ACER3: variants seen among roughly 807,000 people sequenced by gnomAD.
ACER3 encodes the protein alkaline ceramidase 3, also known as alkCDase 3.
In ACER3, 16 loss-of-function variants were observed where a neutral mutation model predicts 48.9. The observed-to-expected ratio is 0.33, with a 90% CI of 0.22 to 0.50. The LOEUF is 0.50. ACER3 is among the 20% of genes least tolerant of loss of function. The pLI is 0.98. For synonymous variants in ACER3, 109 were observed against 107.8 expected (o/e 1.01, Z -0.07); for missense variants, 227 against 326.0 (o/e 0.70, Z 2.34).
chr11:76,985,573 TA>T, intron 4 of ACER3, 69 bp from the exon 5 acceptor site: 1 of 975,650 alleles, frequency 1.0e-6, no homozygotes, highest in Non-Finnish European at 1.5e-6. Flanking sequence ...AGGCAAGTGG[TA>T]AAGCAGCATT....
At chr11:76,933,698 A>G (rs1947081214) in intron 2 of ACER3, among the ~76,000 whole-genome samples, 1 of 152,170 alleles carries the variant, frequency 6.6e-6, no homozygotes, top group Non-Finnish European at 1.5e-5. Context: ...ACACAGACAC[A>G]GCAACCATCT....
chr11:76,938,297 G>T (rs1290753330), intron 2 of ACER3, among the ~76,000 whole-genome samples: 1 of 152,050 alleles, frequency 6.6e-6, no homozygotes, highest in Non-Finnish European at 1.5e-5. Context: ...TTACAGGCTT[G>T]ACCCATTGCA....
At chr11:77,002,166 A>G (rs1169090485) in intron 7 of ACER3, among the ~76,000 whole-genome samples, 1 of 152,004 alleles carries the variant, frequency 6.6e-6, no homozygotes, top group Non-Finnish European at 1.5e-5. Context: ...TCTCTAAAAT[A>G]GTCACACTCT....
intron 1 of ACER3, among the ~76,000 whole-genome samples, chr11:76,888,048 G>A (rs1209162388): frequency 6.6e-6 from 1 of 151,662 alleles, no homozygotes; most frequent in Non-Finnish European, 1.5e-5. Context: ...GGCAGCTCCT[G>A]GACTCAAGTG....
In ACER3 at chr11:76,971,324, G is replaced by A. The variant is rs548797833; in HGVS notation, c.268-4965G>A. On this transcript the variant is annotated intron_variant, in intron 3 of 10. Transcript: ENST00000532485. ...TGGGAGGCCGAGGTGGGTGGATCAC[G>A]AGGTCAAGAGATCAAGACCATCCTG... 6.4e-4 allele frequency among the ~76,000 whole-genome samples: 97 copies of A among 152,108 alleles called. 1 individual carries two copies. Among genetic ancestry groups the A allele is most frequent in the East Asian group, 4.7e-3 (24 of 5,142 alleles).
intron 7 of ACER3, among the ~76,000 whole-genome samples, chr11:77,002,427 A>AAGGGC (rs1176537694): frequency 6.6e-6 from 1 of 152,156 alleles, no homozygotes; most frequent in Non-Finnish European, 1.5e-5. Context: ...GGGAATATTG[A>AAGGGC]TCCAGCCTTG....
chr11:76,977,983 T>A (rs577869866), intron 4 of ACER3, among the ~76,000 whole-genome samples: 1 of 152,284 alleles, frequency 6.6e-6, no homozygotes, highest in African/African-American at 2.4e-5. Flanking sequence ...CTTGGGGTGG[T>A]GCTGACATGC....
intron 1 of ACER3, among the ~76,000 whole-genome samples, chr11:76,904,407 G>T (rs1157205198): frequency 6.6e-6 from 1 of 152,084 alleles, no homozygotes; most frequent in Non-Finnish European, 1.5e-5. Flanking sequence ...CCTATGACCT[G>T]TAAGCCCTCC....
At chr11:76,870,937 G>T (rs1052012108) in intron 1 of ACER3, among the ~76,000 whole-genome samples, 1 of 152,166 alleles carries the variant, frequency 6.6e-6, no homozygotes, top group African/African-American at 2.4e-5. Flanking sequence ...CATTTATGGG[G>T]TTTAATGTAC....
intron 10 of ACER3, 52 bp from the exon 11 acceptor site, chr11:77,020,222 A>G: frequency 6.3e-7 from 1 of 1,578,016 alleles, no homozygotes. Flanking sequence ...TTCAGGGATA[A>G]CATGGAACAA....
At chr11:76,914,986 G>C (rs1226833335) in intron 1 of ACER3, among the ~76,000 whole-genome samples, 3 of 152,100 alleles carry the variant, frequency 2.0e-5, no homozygotes, top group African/African-American at 4.8e-5. Context: ...TCATAGGTGG[G>C]AATTGAACTA....
rs1949471732 is a variant in ACER3, at chr11:77,021,493, C to G, written c.*1166C>G. The G allele has an allele frequency of 6.6e-6, 1 of 152,200 alleles. No individual in the cohort carries two copies. The allele number at this position is 152,200 out of a possible 1,614,324, so 9.4% of individuals were successfully genotyped here. ...TTTGAATGTATAACAAATTGCATCA[C>G]TTTTCACAAACTTAACACCTGCCTG... On this transcript the variant is annotated 3_prime_UTR_variant, in exon 11 of 11. Coordinates refer to ENST00000532485, the MANE Select transcript of ACER3 (RefSeq NM_018367.7).
At chr11:76,877,401 C>G (rs1006107589) in intron 1 of ACER3, among the ~76,000 whole-genome samples, 2 of 152,158 alleles carry the variant, frequency 1.3e-5, no homozygotes, top group African/African-American at 4.8e-5. Flanking sequence ...ATGATCTTCA[C>G]TCACTTATTC....
At chr11:76,945,060 C>G (rs903748282) in intron 2 of ACER3, among the ~76,000 whole-genome samples, 1 of 150,112 alleles carries the variant, frequency 6.7e-6, no homozygotes, top group African/African-American at 2.5e-5. Context: ...CAGAATTTCT[C>G]TTTGGTTTTT....
At chr11:76,961,853 A>G (rs1012852247) in intron 3 of ACER3, among the ~76,000 whole-genome samples, 1 of 149,352 alleles carries the variant, frequency 6.7e-6, no homozygotes, top group Non-Finnish European at 1.5e-5. Flanking sequence ...GTTAAAGAGT[A>G]TATTTACATA....
intron 1 of ACER3, among the ~76,000 whole-genome samples, chr11:76,902,996 T>C (rs1375200411): frequency 1.3e-5 from 2 of 152,246 alleles, no homozygotes; most frequent in Non-Finnish European, 1.5e-5. Flanking sequence ...TCGATAAATT[T>C]TAACTTTTTA....
intron 2 of ACER3, among the ~76,000 whole-genome samples, chr11:76,954,498 C>A (rs1160864618): frequency 6.6e-6 from 1 of 151,962 alleles, no homozygotes; most frequent in African/African-American, 2.4e-5. Flanking sequence ...CTCTTTTGAC[C>A]CCCTAGACGA....
At chr11:76,959,443 C>T (rs1307965552) in intron 3 of ACER3, among the ~76,000 whole-genome samples, 1 of 152,188 alleles carries the variant, frequency 6.6e-6, no homozygotes, top group Non-Finnish European at 1.5e-5. Flanking sequence ...GCAAGCTTGT[C>T]CAACCTGTGG....
At chr11:76,933,464 A>T (rs1947074283) in intron 2 of ACER3, among the ~76,000 whole-genome samples, 1 of 149,568 alleles carries the variant, frequency 6.7e-6, no homozygotes, top group Admixed American at 6.7e-5. Context: ...GGTACTTGAG[A>T]TTAGGGAGTG....
Sources: gnomAD v4.1 joint callset for allele counts (sites outside exome capture counted in the v4.1 genomes callset) on GRCh38, gnomAD v4.1.1 for gene constraint, MANE v1.5 for transcripts, NCBI Gene and HGNC (gene_info 2026-07-23, HGNC 2026-07-21) for gene names.